Variants in SPNS2 observed in about 807,000 individuals in gnomAD.
SPNS2 encodes the protein SPNS lysolipid transporter 2, sphingosine-1-phosphate.
A neutral mutation model predicts 57.6 loss-of-function variants in SPNS2; 37 were observed. That is an observed-to-expected ratio of 0.64 (90% confidence interval 0.49 to 0.85). The LOEUF (loss-of-function observed/expected upper bound fraction) is 0.85. Among genes scored for constraint, SPNS2 ranks in the 40% least tolerant of loss-of-function variants. The pLI is 0.00. For missense variants in SPNS2, 831 were observed against 779.1 expected (o/e 1.07, Z -0.79); for synonymous variants, 440 against 346.9 (o/e 1.27, Z -2.98).
rs535460692 is a variant in SPNS2, at chr17:4,534,255, G to T, written c.1344+402G>T. 7.1e-5 allele frequency: 19 copies of T among 266,628 alleles called. No individual in the cohort carries two copies. The East Asian group carries it at 1.5e-3, about 21-fold the overall frequency. 16.5% of individuals were successfully genotyped at this position (266,628 alleles called of 1,614,324 possible). ...GGCGTGCCTGCGGCTGGGGCTGGGCGGACAGAGGCTGTCTTCACAGGGCCA... is the reference window on the plus strand; with the variant it reads ...GGCGTGCCTGCGGCTGGGGCTGGGCTGACAGAGGCTGTCTTCACAGGGCCA... On this transcript the variant is annotated intron_variant, in intron 9 of 12. Coordinates refer to ENST00000329078, the MANE Select transcript of SPNS2 (RefSeq NM_001124758.3).
At chr17:4,518,004 C>G (rs1034437191) in intron 2 of SPNS2, among the ~76,000 whole-genome samples, 1 of 152,176 alleles carries the variant, frequency 6.6e-6, no homozygotes, top group African/African-American at 2.4e-5. Context: ...CAATGCAACA[C>G]AGGGAAGGGT....
chr17:4,531,416 C>T (rs1382843134), intron 5 of SPNS2, among the ~76,000 whole-genome samples: 1 of 152,154 alleles, frequency 6.6e-6, no homozygotes, highest in Admixed American at 6.5e-5. Context: ...TCTCCCACCA[C>T]GTCAGGAAAT....
At chr17:4,508,637 T>C (rs1463090888) in intron 1 of SPNS2, among the ~76,000 whole-genome samples, 1 of 152,164 alleles carries the variant, frequency 6.6e-6, no homozygotes, top group African/African-American at 2.4e-5. Context: ...CCTCAGATGC[T>C]AGAATTCTGG....
chr17:4,536,221 C>G (rs769560270), intron 10 of SPNS2, 42 bp from the exon 11 acceptor site: 1 of 1,608,620 alleles, frequency 6.2e-7, no homozygotes, highest in Admixed American at 1.7e-5. Flanking sequence ...TGGGGGACTG[C>G]AGGAGGGCTC....
chr17:4,519,758 G>A (rs1332218365), intron 2 of SPNS2, among the ~76,000 whole-genome samples: 1 of 152,138 alleles, frequency 6.6e-6, no homozygotes, highest in Non-Finnish European at 1.5e-5. Flanking sequence ...CTTCTAGCTT[G>A]GAGGCCCAGC....
At chr17:4,516,977 A>G (rs1905012551) in intron 2 of SPNS2, among the ~76,000 whole-genome samples, 1 of 152,244 alleles carries the variant, frequency 6.6e-6, no homozygotes, top group South Asian at 2.1e-4. Flanking sequence ...GAATGGCGCA[A>G]CGAACTTCCA....
intron 8 of SPNS2, 45 bp from the exon 9 acceptor site, chr17:4,533,743 C>T (rs112872896): frequency 5.9e-5 from 95 of 1,604,156 alleles, no homozygotes; most frequent in African/African-American, 5.8e-4. Flanking sequence ...GTGGTTGCTG[C>T]GGATGGAGGG....
chr17:4,524,956 C>A (rs1354448617), intron 2 of SPNS2, 101 bp from the exon 3 acceptor site: 1 of 1,519,528 alleles, frequency 6.6e-7, no homozygotes, highest in Non-Finnish European at 8.9e-7. Flanking sequence ...TTCCTTGGTC[C>A]CTTTGCTCCA....
At chr17:4,509,732 A>G (rs1189577811) in intron 1 of SPNS2, among the ~76,000 whole-genome samples, 6 of 152,216 alleles carry the variant, frequency 3.9e-5, no homozygotes, top group African/African-American at 1.4e-4. Context: ...TAACTTGTCA[A>G]TGGATGTTGT....
Position 4,499,355 on chromosome 17 carries a change from C to A in SPNS2, c.308C>A (p.Ala103Glu), listed in dbSNP as rs1488800438. The A allele has an allele frequency of 3.5e-6, 5 of 1,432,360 alleles. No homozygotes were observed. Among genetic ancestry groups the A allele is most frequent in the Non-Finnish European group, 4.6e-6 (5 of 1,097,374 alleles). 88.7% of individuals were successfully genotyped at this position (1,432,360 alleles called of 1,614,324 possible). ...KPASLGRGRG[A>E]AAAILSLGNV... ...GCCAGCTTGGGCCGCGGGCGGGGGG[C>A]AGCCGCCGCCATCCTCAGCTTGGGC... The change falls in exon 1 of 13, where the codon GCA becomes GAA. Residue 103 changes from alanine to glutamate, a missense_variant. Physicochemically the swap from Ala to Glu is moderately radical, Grantham distance 107 (BLOSUM62 -1). This residue lies in a region of SPNS2 where 305 missense variants were observed against 378.3 expected (regional missense o/e 0.81). Coordinates refer to ENST00000329078, the MANE Select transcript of SPNS2 (RefSeq NM_001124758.3). This position sits in a 1 kb window ranked among gnomAD's most constrained non-coding sequence, Gnocchi z 5.2.
intron 1 of SPNS2, among the ~76,000 whole-genome samples, chr17:4,501,023 G>A (rs1471471590): frequency 6.6e-6 from 1 of 152,200 alleles, no homozygotes; most frequent in Non-Finnish European, 1.5e-5. Flanking sequence ...ATCCTTTGGG[G>A]GAGAAATCAG....
At chr17:4,500,710 C>T in intron 1 of SPNS2, among the ~76,000 whole-genome samples, 1 of 151,970 alleles carries the variant, frequency 6.6e-6, no homozygotes, top group South Asian at 2.1e-4. Context: ...CACCTGGTGC[C>T]TTCTCTGGGC....
rs1362758503 is a variant in SPNS2 at position 4,527,612 on chromosome 17, CCCAAACGG to C, written c.573+2424_573+2431del. Among the ~76,000 whole-genome samples, 40 of 152,326 alleles carry C rather than the reference CCCAAACGG, an allele frequency of 2.6e-4. No individual in the cohort carries two copies. The South Asian group carries it at 3.1e-3, about 12-fold the overall frequency. On this transcript the variant is annotated intron_variant, in intron 3 of 12. Coordinates refer to ENST00000329078, the MANE Select transcript of SPNS2 (RefSeq NM_001124758.3). ...CTACAGACAGTTTCAGGAGAAGACA[CCCAAACGG>C]CCAATACGTGTAGGAAGAGACAGGG...
At position 4,538,660 on chromosome 17, in the gene SPNS2, A is replaced by C. The variant is rs1370524353; in HGVS notation, c.*1212A>C. 1 of 524,530 alleles carries C rather than the reference A, an allele frequency of 1.9e-6. No individual in the cohort carries two copies. Among genetic ancestry groups the C allele is most frequent in the Non-Finnish European group, 3.4e-6 (1 of 294,594 alleles). The allele number at this position is 524,530 out of a possible 1,614,324, so 32.5% of individuals were successfully genotyped here. A position where few individuals can be genotyped will look rare whatever the true frequency, so the allele number is the denominator to read the frequency against. On this transcript the variant is annotated 3_prime_UTR_variant, in exon 13 of 13. Coordinates refer to ENST00000329078, the MANE Select transcript of SPNS2 (RefSeq NM_001124758.3). ...GGTGGGGGGTGAGGCCTTGTGGCCA[A>C]TGGGGGACCCCCCAAGAGCCAGCTT...
chr17:4,530,566 G>A (rs897960485), intron 3 of SPNS2, 66 bp from the exon 4 acceptor site: 148 of 1,554,124 alleles, frequency 9.5e-5, no homozygotes, highest in Non-Finnish European at 1.2e-4. Context: ...GAGCAAAGTG[G>A]GAACAAGGGA....
chr17:4,519,937 G>A (rs931935530), intron 2 of SPNS2, among the ~76,000 whole-genome samples: 127 of 152,302 alleles, frequency 8.3e-4, no homozygotes, highest in African/African-American at 3.0e-3. Flanking sequence ...CATGGCCTGT[G>A]ACCTCCAGGG....
intron 2 of SPNS2, among the ~76,000 whole-genome samples, chr17:4,516,050 A>T (rs1464553044): frequency 6.6e-6 from 1 of 152,210 alleles, no homozygotes. Context: ...CCTATGGCTT[A>T]CGCCTATAAT....
intron 2 of SPNS2, among the ~76,000 whole-genome samples, chr17:4,523,310 C>T (rs1026778209): frequency 2.0e-5 from 3 of 151,442 alleles, no homozygotes; most frequent in Non-Finnish European, 2.9e-5. Context: ...TGGTGGCAGG[C>T]GCCTGTAATC....
At chr17:4,503,786 T>A (rs964300373) in intron 1 of SPNS2, among the ~76,000 whole-genome samples, 2 of 152,198 alleles carry the variant, frequency 1.3e-5, no homozygotes, top group Non-Finnish European at 1.5e-5. Context: ...AGCCTTGCCC[T>A]GGGGGAGTCC....
Sources: gnomAD v4.1 joint callset for allele counts (sites outside exome capture counted in the v4.1 genomes callset) on GRCh38, gnomAD v4.1.1 for gene constraint, gnomAD v4.1.1 regional missense constraint, Gnocchi (gnomAD v3.1) non-coding constraint, MANE v1.5 for transcripts, NCBI Gene and HGNC (gene_info 2026-07-23, HGNC 2026-07-21) for gene names.